Variants in PDE10A observed in about 807,000 individuals in gnomAD.
PDE10A encodes phosphodiesterase 10A.
In PDE10A, 39 loss-of-function variants were observed where a neutral mutation model predicts 97.7. The ratio of observed to expected loss-of-function variants is 0.40; its 90% CI spans 0.31 to 0.52. The LOEUF (loss-of-function observed/expected upper bound fraction) is 0.52. Ranked by LOEUF, PDE10A falls within the 20% of genes least tolerant of loss-of-function variation. The pLI is 0.56. For synonymous variants in PDE10A, 371 were observed against 376.8 expected, an observed-to-expected ratio of 0.98 and a Z score of 0.18; for missense variants, 731 against 1,047.8, an observed-to-expected ratio of 0.70 and a Z score of 4.17.
At chr6:165,704,285 TG>T (rs1791652870) in intron 1 of PDE10A, among the ~76,000 whole-genome samples, 1 of 152,054 alleles carries the variant, frequency 6.6e-6, no homozygotes, top group African/African-American at 2.4e-5. Context: ...GAGAGGAGCC[TG>T]GGGATCAGGA....
intron 2 of PDE10A, among the ~76,000 whole-genome samples, chr6:165,484,277 T>A (rs531103297): frequency 6.6e-6 from 1 of 152,358 alleles, no homozygotes; most frequent in Admixed American, 6.5e-5. Context: ...AGAGTTGCAC[T>A]GTGGGAACAC....
intron 2 of PDE10A, among the ~76,000 whole-genome samples, chr6:165,498,478 G>GT (rs944716654): frequency 5.1e-5 from 5 of 98,624 alleles, no homozygotes; most frequent in Non-Finnish European, 1.1e-4. Flanking sequence ...CAGTAACAGA[G>GT]TAAGAGTTTA....
intron 1 of PDE10A, among the ~76,000 whole-genome samples, chr6:165,794,109 G>A (rs1217037872): frequency 6.6e-5 from 5 of 75,394 alleles, no homozygotes; most frequent in Non-Finnish European, 1.3e-4. Flanking sequence ...ATGGTTCTAC[G>A]CAGGCATACA....
At chr6:165,865,752 T>A (rs1583208594) in intron 1 of PDE10A, among the ~76,000 whole-genome samples, 1 of 151,490 alleles carries the variant, frequency 6.6e-6, no homozygotes, top group South Asian at 2.1e-4. Context: ...AAAAAAGGGA[T>A]AAAAAAAAGA....
rs574196141 is a variant in PDE10A, at chr6:165,795,573, AAAACAAAC to A, written c.-615+191948_-615+191955del. ...AAACCCCGTCTCTACTAAAAATACA[AAAACAAAC>A]AAACAAACAAACAAACAAAAAAACC... On this transcript the variant is annotated intron_variant, in intron 1 of 19. Transcript: ENST00000366882. 1.3e-4 allele frequency among the ~76,000 whole-genome samples: 20 copies of A among 151,700 alleles called. No individual in the cohort carries two copies. The East Asian group carries it at 1.5e-3, about 12-fold the overall frequency.
chr6:165,488,411 G>A (rs1269241005), intron 2 of PDE10A, among the ~76,000 whole-genome samples: 3 of 152,148 alleles, frequency 2.0e-5, no homozygotes. Flanking sequence ...TAATAGGATA[G>A]CCTTCAAGGG....
At chr6:165,767,082 C>T (rs759308384) in intron 1 of PDE10A, among the ~76,000 whole-genome samples, 2 of 152,212 alleles carry the variant, frequency 1.3e-5, no homozygotes, top group Admixed American at 6.5e-5. Flanking sequence ...CATTAAAAAA[C>T]GGGCTTTTGG....
chr6:165,625,658 G>C (rs1788347960), intron 1 of PDE10A, among the ~76,000 whole-genome samples: 1 of 152,130 alleles, frequency 6.6e-6, no homozygotes, highest in Admixed American at 6.5e-5. Flanking sequence ...TCATGATAGT[G>C]AATAAGTCTC....
At chr6:165,395,492 T>C (rs1274111209) in intron 14 of PDE10A, among the ~76,000 whole-genome samples, 7 of 152,178 alleles carry the variant, frequency 4.6e-5, no homozygotes, top group African/African-American at 1.2e-4. Context: ...TGATTTTCTA[T>C]TAATCTGTTT....
chr6:165,646,641 GC>G (rs763587676), intron 1 of PDE10A, among the ~76,000 whole-genome samples: 6 of 152,192 alleles, frequency 3.9e-5, no homozygotes, highest in Non-Finnish European at 7.3e-5. Flanking sequence ...CAGAACTCAA[GC>G]TTATGATGTC....
intron 15 of PDE10A, 43 bp downstream of exon 15, chr6:165,395,138 G>T: frequency 8.1e-7 from 1 of 1,237,346 alleles, no homozygotes; most frequent in African/African-American, 1.5e-5. Context: ...AAGAGGTTAT[G>T]TCACCCAATA....
intron 1 of PDE10A, among the ~76,000 whole-genome samples, chr6:165,765,339 G>A (rs149896646): frequency 0.095 from 14,384 of 152,138 alleles, 716 homozygotes; most frequent in Non-Finnish European, 0.13. Context: ...AGCAGGGGGC[G>A]GCGCTCCTCG....
chr6:165,825,145 CAAAAAAAAA>C, intron 1 of PDE10A, among the ~76,000 whole-genome samples: 1 of 50,908 alleles, frequency 2.0e-5, no homozygotes, highest in Non-Finnish European at 4.0e-5. Context: ...GACTCCATCT[CAAAAAAAAA>C]AAAAAAAAGA....
In PDE10A at chr6:165,418,924, A is replaced by G; in HGVS notation, c.1654-147T>C. 3.2e-6 allele frequency: 2 copies of G among 617,694 alleles called. No individual in the cohort carries two copies. The highest frequency in any genetic ancestry group is 5.6e-6 in the Non-Finnish European group (2 of 359,366). The allele number at this position is 617,694 out of a possible 1,614,324, so 38.3% of individuals were successfully genotyped here. A position where few individuals can be genotyped will look rare whatever the true frequency, so the allele number is the denominator to read the frequency against. Reference sequence around the variant, plus strand: ...ATTATAAGTAAATAAATATACAAGTATATAAATATTTCATATATATGATAT... The same window carrying G: ...ATTATAAGTAAATAAATATACAAGTGTATAAATATTTCATATATATGATAT... On this transcript the variant is annotated intron_variant, in intron 10 of 21. Transcript: ENST00000539869. This position sits in a 1 kb window ranked among gnomAD's most constrained non-coding sequence, Gnocchi z 4.8.
chr6:165,528,349 C>T (rs1337609199), intron 2 of PDE10A, among the ~76,000 whole-genome samples: 2 of 152,198 alleles, frequency 1.3e-5, no homozygotes, highest in African/African-American at 4.8e-5. Flanking sequence ...CTGTCATCGC[C>T]CTATGGGCCA....
intron 1 of PDE10A, among the ~76,000 whole-genome samples, chr6:165,734,979 T>C (rs1226539606): frequency 1.3e-5 from 2 of 151,672 alleles, no homozygotes; most frequent in East Asian, 3.8e-4. Context: ...GATAGATAGA[T>C]AGATAGATAG....
intron 1 of PDE10A, among the ~76,000 whole-genome samples, chr6:165,562,629 C>T (rs187438143): frequency 1.2e-4 from 19 of 152,216 alleles, no homozygotes; most frequent in Admixed American, 1.2e-3. Flanking sequence ...TCCAAGTTTC[C>T]GTGACACTGC....
At chr6:165,759,070 A>G (rs747826413) in intron 1 of PDE10A, among the ~76,000 whole-genome samples, 3 of 152,168 alleles carry the variant, frequency 2.0e-5, no homozygotes, top group Non-Finnish European at 2.9e-5. Flanking sequence ...CACAGCCGGG[A>G]AGCAGTCCTG....
chr6:165,896,874 C>T (rs6925419), intron 1 of PDE10A, among the ~76,000 whole-genome samples: 94,200 of 151,398 alleles, frequency 0.62, 29,719 homozygotes, highest in East Asian at 0.92. Context: ...TTCACCATGT[C>T]GGTCAGGCTG....
Sources: allele counts gnomAD v4.1 joint callset (sites outside exome capture counted in the v4.1 genomes callset), GRCh38; gene constraint gnomAD v4.1.1; non-coding constraint Gnocchi (gnomAD v3.1); transcripts MANE v1.5; gene names NCBI Gene and HGNC (gene_info 2026-07-23, HGNC 2026-07-21).